KLHL6: variants seen among roughly 807,000 people sequenced by gnomAD.
The protein encoded by KLHL6 is kelch-like protein 6.
Under a neutral mutation model 58.6 loss-of-function variants are expected in KLHL6, and 41 were observed. The observed-to-expected ratio is 0.70, with a 90% confidence interval of 0.55 to 0.91. KLHL6 has a LOEUF of 0.91. Ranked by LOEUF, KLHL6 falls within the 40% of genes least tolerant of loss-of-function variation. The pLI, the probability that KLHL6 is intolerant of heterozygous loss-of-function variation, is 0.00. For synonymous variants in KLHL6, 338 were observed against 322.7 expected, an observed-to-expected ratio of 1.05 and a Z score of -0.51; for missense variants, 714 against 805.6, an observed-to-expected ratio of 0.89 and a Z score of 1.38.
chr3:183,519,374 G>A (rs1711666516), intron 2 of KLHL6, among the ~76,000 whole-genome samples: 1 of 152,176 alleles, frequency 6.6e-6, no homozygotes, highest in Non-Finnish European at 1.5e-5. Context: ...GGGAACACAG[G>A]TGCTCCAGTG....
intron 2 of KLHL6, among the ~76,000 whole-genome samples, chr3:183,523,742 G>A (rs1020476693): frequency 1.3e-5 from 2 of 151,748 alleles, no homozygotes; most frequent in Admixed American, 6.6e-5. Context: ...GTGGTATTTG[G>A]CTACATTTCA....
chr3:183,539,309 AGGTG>A (rs1364640275), intron 1 of KLHL6, among the ~76,000 whole-genome samples: 2 of 152,212 alleles, frequency 1.3e-5, no homozygotes, highest in Non-Finnish European at 2.9e-5. Context: ...CTCCCGAATC[AGGTG>A]GCAATCCCAT....
intron 3 of KLHL6, among the ~76,000 whole-genome samples, chr3:183,501,593 T>C (rs887077525): frequency 6.6e-6 from 1 of 152,186 alleles, no homozygotes; most frequent in Non-Finnish European, 1.5e-5. Flanking sequence ...AGGACTGGAC[T>C]AGCCGTGATC....
Position 183,497,988 on chromosome 3 carries a change from C to A in KLHL6, c.1147+1602G>T, listed in dbSNP as rs1035969937. On this transcript the variant is annotated intron_variant, in intron 4 of 6. Coordinates refer to ENST00000341319, the MANE Select transcript of KLHL6 (RefSeq NM_130446.4). ...CAGTGGCTCACGCTTGTAATCCCAG[C>A]ACTTTGGGAGGCTGAGGCGGGTGGA... 5.9e-5 allele frequency among the ~76,000 whole-genome samples: 9 copies of A among 152,304 alleles called. No homozygotes were observed. In the East Asian group the frequency reaches 1.2e-3, roughly 20 times the overall value.
intron 3 of KLHL6, among the ~76,000 whole-genome samples, chr3:183,507,665 C>A (rs1718047818): frequency 6.6e-6 from 1 of 152,078 alleles, no homozygotes; most frequent in Non-Finnish European, 1.5e-5. Flanking sequence ...GATCTCTTGA[C>A]CTCGTGATCC....
chr3:183,539,631 C>A (rs1712484473), intron 1 of KLHL6, among the ~76,000 whole-genome samples: 1 of 151,668 alleles, frequency 6.6e-6, no homozygotes, highest in Non-Finnish European at 1.5e-5. Flanking sequence ...ATTGCTTGAA[C>A]CCGGGAGGCA....
intron 2 of KLHL6, among the ~76,000 whole-genome samples, chr3:183,523,714 T>G (rs1711850230): frequency 6.6e-6 from 1 of 151,060 alleles, no homozygotes; most frequent in Non-Finnish European, 1.5e-5. Context: ...TTTTTTTCCA[T>G]AAGTTTTTGG....
At chr3:183,545,879 A>G (rs187295676) in intron 1 of KLHL6, among the ~76,000 whole-genome samples, 322 of 152,282 alleles carry the variant, frequency 2.1e-3, no homozygotes, top group Non-Finnish European at 3.7e-3. Context: ...AAGTTGCCCA[A>G]TAGCTTCCCA....
chr3:183,549,523 C>T (rs367713484), intron 1 of KLHL6, among the ~76,000 whole-genome samples: 1 of 152,118 alleles, frequency 6.6e-6, no homozygotes, highest in Non-Finnish European at 1.5e-5. Flanking sequence ...CTCGTCAGGT[C>T]GGGACACCTG....
intron 2 of KLHL6, among the ~76,000 whole-genome samples, chr3:183,518,677 T>C (rs1366819872): frequency 6.6e-6 from 1 of 152,170 alleles, no homozygotes; most frequent in Non-Finnish European, 1.5e-5. Context: ...TAAATAGACT[T>C]TCAGAACTTA....
rs1577194883 is a variant in KLHL6, at chr3:183,528,593, G to C, written c.294-583C>G. Among the ~76,000 whole-genome samples the C allele has an allele frequency of 2.0e-5, 3 of 152,284 alleles. No homozygotes were observed. The South Asian group carries it at 6.2e-4, about 32-fold the overall frequency. The stretch of plus-strand genomic sequence containing the variant: ...CTGCCTTTCCTGCTCCCTCCCCACG[G>C]CTGGACTTCCAGATATTTAGCCGCC... On this transcript the variant is annotated intron_variant, in intron 1 of 6. Transcript: ENST00000341319.
At position 183,492,728 on chromosome 3, in the gene KLHL6, AGAAGAAGCTG is replaced by A. The variant is rs1717604743; in HGVS notation, c.1351-31_1351-22del. On this transcript the variant is annotated intron_variant, in intron 5 of 6. Transcript: ENST00000341319. The surrounding 1 kb of genome is among the most constrained non-coding windows in gnomAD (Gnocchi z 5.9). ...GCGGCCTGTAGAGGCACAGGGCACA[AGAAGAAGCTG>A]TCAGTCATGCTGCCCAGATTGCTGC... The A allele has an allele frequency of 3.1e-6, 5 of 1,610,510 alleles. No individual in the cohort carries two copies. Among genetic ancestry groups the A allele is most frequent in the Non-Finnish European group, 4.2e-6 (5 of 1,178,680 alleles).
At position 183,550,620 on chromosome 3, in the gene KLHL6, C is replaced by A. The variant is rs542516345; in HGVS notation, c.293+4741G>T. 1.1e-4 allele frequency among the ~76,000 whole-genome samples: 17 copies of A among 151,346 alleles called. No individual in the cohort carries two copies. The South Asian group carries it at 3.6e-3, about 32-fold the overall frequency. ...GACCAGCCTGGCCAACATGGTGAAA[C>A]CCTATCTCTACTAAAAAAATACAAA... is the stretch of plus-strand genomic sequence containing the variant. On this transcript the variant is annotated intron_variant, in intron 1 of 6. Coordinates refer to ENST00000341319, the MANE Select transcript of KLHL6 (RefSeq NM_130446.4).
chr3:183,526,050 G>T (rs1433712825), intron 2 of KLHL6, among the ~76,000 whole-genome samples: 1 of 152,222 alleles, frequency 6.6e-6, no homozygotes, highest in East Asian at 1.9e-4. Context: ...GCTCATGCCT[G>T]TAATCCCAGC....
intron 1 of KLHL6, among the ~76,000 whole-genome samples, chr3:183,554,216 C>T (rs554317693): frequency 7.7e-4 from 117 of 152,218 alleles, no homozygotes; most frequent in African/African-American, 2.7e-3. Context: ...ACTGGGTTCC[C>T]AGCGCTATAA....
intron 2 of KLHL6, among the ~76,000 whole-genome samples, chr3:183,519,393 A>G (rs1431630346): frequency 6.6e-6 from 1 of 152,208 alleles, no homozygotes; most frequent in Non-Finnish European, 1.5e-5. Flanking sequence ...TGGGTGCCAC[A>G]TGGACCAATA....
chr3:183,540,875 G>A (rs1712529514), intron 1 of KLHL6, among the ~76,000 whole-genome samples: 1 of 152,150 alleles, frequency 6.6e-6, no homozygotes, highest in Admixed American at 6.5e-5. Flanking sequence ...AACGAGGTCG[G>A]CTCAGATTCT....
At chr3:183,497,436 C>T (rs1418872407) in intron 4 of KLHL6, among the ~76,000 whole-genome samples, 2 of 152,032 alleles carry the variant, frequency 1.3e-5, no homozygotes, top group South Asian at 2.1e-4. Context: ...AAGAATAACA[C>T]GTGTAGTATA....
chr3:183,534,090 C>G (rs1712258614), intron 1 of KLHL6, among the ~76,000 whole-genome samples: 1 of 131,078 alleles, frequency 7.6e-6, no homozygotes, highest in African/African-American at 2.8e-5. Flanking sequence ...AAGTACTTTA[C>G]TTTTAAAGTA....
Sources: allele counts gnomAD v4.1 joint callset (sites outside exome capture counted in the v4.1 genomes callset), GRCh38; gene constraint gnomAD v4.1.1; non-coding constraint Gnocchi (gnomAD v3.1); transcripts MANE v1.5; gene names NCBI Gene and HGNC (gene_info 2026-07-23, HGNC 2026-07-21).